The following PARVB variants were observed in gnomAD, a reference collection of about 807,000 sequenced individuals.
PARVB encodes the protein parvin beta.
PARVB carries 46 observed loss-of-function variants against 47.0 expected under a neutral mutation model. That is an observed-to-expected ratio of 0.98 (90% CI 0.77 to 1.25). The LOEUF is 1.25. PARVB is among the 50% of genes most tolerant of loss of function. PARVB has a pLI of 0.00. For synonymous variants in PARVB, 196 were observed against 196.3 expected (o/e 1.00, Z 0.01); for missense variants, 473 against 471.6 (o/e 1.00, Z -0.03).
At chr22:44,007,790 G>A (rs888699111) in intron 2 of PARVB, among the ~76,000 whole-genome samples, 9 of 152,130 alleles carry the variant, frequency 5.9e-5, no homozygotes, top group Middle Eastern at 6.8e-3. Context: ...CTTTCATTCC[G>A]AAGCTGAACC....
intron 4 of PARVB, among the ~76,000 whole-genome samples, chr22:44,127,953 T>C (rs1040421668): frequency 2.0e-5 from 3 of 152,018 alleles, no homozygotes; most frequent in African/African-American, 7.2e-5. Flanking sequence ...GCCCAGATAA[T>C]TTTTGTATTT....
At chr22:44,058,549 A>AT (rs35947294) in intron 1 of PARVB, among the ~76,000 whole-genome samples, 17,898 of 96,032 alleles carry the variant, frequency 0.19, 2,227 homozygotes, top group Middle Eastern at 0.27. Flanking sequence ...GTGGACGTGG[A>AT]TTTTTTTTTT....
At chr22:44,148,524 G>A (rs2053736202) in intron 9 of PARVB, 2 of 159,908 alleles carry the variant, frequency 1.3e-5, no homozygotes, top group South Asian at 3.5e-4. Context: ...AGTGCCTGCA[G>A]GCATCCCATT....
chr22:44,057,293 G>T (rs2051333171), intron 1 of PARVB, among the ~76,000 whole-genome samples: 1 of 152,156 alleles, frequency 6.6e-6, no homozygotes, highest in African/African-American at 2.4e-5. Flanking sequence ...TTGTTAGAAT[G>T]AATGATAATT....
intron 5 of PARVB, among the ~76,000 whole-genome samples, chr22:44,132,114 C>G (rs2053340337): frequency 6.6e-6 from 1 of 152,198 alleles, no homozygotes; most frequent in Non-Finnish European, 1.5e-5. Context: ...CCTGCCCACT[C>G]CTTCCCCACC....
chr22:44,082,970 A>G (rs7284470), intron 1 of PARVB, among the ~76,000 whole-genome samples: 21,913 of 152,090 alleles, frequency 0.14, 2,342 homozygotes, highest in African/African-American at 0.31. Context: ...TTCCTGCAGC[A>G]GGTGGCTGGT....
intron 3 of PARVB, chr22:44,113,643 T>TACTA (rs1372870686): frequency 7.3e-5 from 3 of 41,130 alleles, no homozygotes; most frequent in Admixed American, 2.1e-4. Context: ...GATACATTGT[T>TACTA]ACTAAGGCCC....
At chr22:44,088,681 A>G (rs1299521360) in intron 1 of PARVB, among the ~76,000 whole-genome samples, 2 of 152,120 alleles carry the variant, frequency 1.3e-5, no homozygotes, top group East Asian at 3.9e-4. Context: ...CATGTTGGTC[A>G]GGCTGGTCTC....
chr22:43,999,851 A>AAAAC (rs1469598587), intron 2 of PARVB, among the ~76,000 whole-genome samples: 5 of 149,812 alleles, frequency 3.3e-5, no homozygotes, highest in Non-Finnish European at 7.4e-5. Context: ...AAAAAAAAAA[A>AAAAC]AAAAAAACAG....
intron 3 of PARVB, among the ~76,000 whole-genome samples, chr22:44,101,424 T>TAAAA: frequency 7.3e-6 from 1 of 137,022 alleles, no homozygotes; most frequent in African/African-American, 3.1e-5. Flanking sequence ...AAATAAAAAA[T>TAAAA]AAAAAATAAA....
At chr22:44,120,052 C>T (rs753009536) in intron 4 of PARVB, 11 of 358,716 alleles carry the variant, frequency 3.1e-5, no homozygotes, top group East Asian at 7.4e-5. Flanking sequence ...CCATCGCCTT[C>T]GACAGGTGGG....
chr22:44,063,427 A>G (rs372605076), intron 1 of PARVB, among the ~76,000 whole-genome samples: 15 of 152,190 alleles, frequency 9.9e-5, no homozygotes, highest in African/African-American at 3.1e-4. Flanking sequence ...GGGTTTCACT[A>G]TGTTGGCCAG....
At position 44,125,876 on chromosome 22, in the gene PARVB, G is replaced by T. The variant is rs2053174782; in HGVS notation, c.377-5611G>T. 2.0e-5 allele frequency among the ~76,000 whole-genome samples: 3 copies of T among 152,306 alleles called. No homozygotes were observed. Among genetic ancestry groups the T allele is most frequent in the Middle Eastern group, 6.8e-3 (2 of 294 alleles). On this transcript the variant is annotated intron_variant, in intron 4 of 12. Transcript: ENST00000338758. This position sits in a 1 kb window ranked among gnomAD's most constrained non-coding sequence, Gnocchi z 4.1. Reference sequence around the variant, plus strand: ...TCAGGACACCATTGCCATGGCCCAGGCATCTGATGAAGTAGCTCAGCCCCC... The same window carrying T: ...TCAGGACACCATTGCCATGGCCCAGTCATCTGATGAAGTAGCTCAGCCCCC...
chr22:44,080,004 G>T (rs892936161), intron 1 of PARVB, among the ~76,000 whole-genome samples: 1 of 152,196 alleles, frequency 6.6e-6, no homozygotes, highest in African/African-American at 2.4e-5. Flanking sequence ...AATGGCCCGC[G>T]GCAGCCTTAG....
At chr22:44,124,297 G>A (rs2053138794) in intron 4 of PARVB, among the ~76,000 whole-genome samples, 1 of 152,200 alleles carries the variant, frequency 6.6e-6, no homozygotes, top group Non-Finnish European at 1.5e-5. Flanking sequence ...CTGTGACGGT[G>A]GCCTCAAGAA....
intron 12 of PARVB, among the ~76,000 whole-genome samples, chr22:44,164,851 G>T (rs1004627861): frequency 3.9e-5 from 6 of 152,116 alleles, no homozygotes; most frequent in Admixed American, 2.6e-4. Context: ...AATGGATCCT[G>T]TCCCTTCCAT....
intron 2 of PARVB, among the ~76,000 whole-genome samples, chr22:44,097,480 G>A (rs1442355815): frequency 2.6e-5 from 4 of 152,228 alleles, no homozygotes; most frequent in African/African-American, 7.2e-5. Flanking sequence ...AGCAGGTCAT[G>A]AATGCTGACA....
In PARVB at chr22:44,155,077, G is replaced by A. The variant is rs560363757; in HGVS notation, c.844-2905G>A. Reference sequence around the variant, plus strand: ...GTGTGTGGTTTTTGTAGTCTGTGTGGTGTGTGTGTGGTGTAGGTGTGTGTT... The same window carrying A: ...GTGTGTGGTTTTTGTAGTCTGTGTGATGTGTGTGTGGTGTAGGTGTGTGTT... On this transcript the variant is annotated intron_variant, in intron 10 of 12. Transcript: ENST00000338758. The surrounding 1 kb of genome is among the most constrained non-coding windows in gnomAD (Gnocchi z 4.8). 6.7e-6 allele frequency among the ~76,000 whole-genome samples: 1 copy of A among 150,056 alleles called. No homozygotes were observed. The highest frequency in any genetic ancestry group is 1.5e-5 in the Non-Finnish European group (1 of 67,778).
intron 1 of PARVB, among the ~76,000 whole-genome samples, chr22:44,093,421 A>G (rs1242714944): frequency 6.6e-6 from 1 of 152,208 alleles, no homozygotes; most frequent in Admixed American, 6.5e-5. Context: ...GTGTTCCATC[A>G]GATTTCTGTG....
Sources: allele counts gnomAD v4.1 joint callset (sites outside exome capture counted in the v4.1 genomes callset), GRCh38; gene constraint gnomAD v4.1.1; non-coding constraint Gnocchi (gnomAD v3.1); transcripts MANE v1.5; gene names NCBI Gene and HGNC (gene_info 2026-07-23, HGNC 2026-07-21).